Variants in RCL1 observed in about 807,000 individuals in gnomAD.
The protein encoded by RCL1 is RNA terminal phosphate cyclase like 1.
Under a neutral mutation model 42.4 loss-of-function variants are expected in RCL1, and 24 were observed. The ratio of observed to expected loss-of-function variants is 0.57; its 90% CI spans 0.41 to 0.80. RCL1 has a LOEUF of 0.80. Among genes scored for constraint, RCL1 ranks in the 30% least tolerant of loss-of-function variants. The pLI, the probability that RCL1 is intolerant of heterozygous loss-of-function variation, is 0.00. For synonymous variants in RCL1, 228 were observed against 177.3 expected (o/e 1.29, Z -2.27); for missense variants, 578 against 467.9 (o/e 1.24, Z -2.17).
rs1271797558 is a variant in RCL1 at position 4,818,872 on chromosome 9, A to G, written c.137-4676A>G. 1.8e-3 allele frequency among the ~76,000 whole-genome samples: 32 copies of G among 17,986 alleles called. No individual in the cohort carries two copies. In the South Asian group the frequency reaches 0.027, roughly 15 times the overall value. The allele number at this position is 17,986 out of a possible 152,430, so 11.8% of individuals were successfully genotyped here. Reference sequence around the variant, plus strand: ...GGGCAACGCAGCAAGACTCTGTCTCAAAAAAAAAAAAAAAAAGAAAAAGAA... The same window carrying G: ...GGGCAACGCAGCAAGACTCTGTCTCGAAAAAAAAAAAAAAAAGAAAAAGAA... On this transcript the variant is annotated intron_variant, in intron 1 of 8. Transcript: ENST00000381750.
chr9:4,819,761 C>G (rs1256121632), intron 1 of RCL1, among the ~76,000 whole-genome samples: 2 of 152,146 alleles, frequency 1.3e-5, no homozygotes, highest in African/African-American at 2.4e-5. Flanking sequence ...GAGCCAAGAT[C>G]GCGCCACTGC....
At chr9:4,839,775 C>T (rs975450037) in intron 5 of RCL1, 2 of 962,112 alleles carry the variant, frequency 2.1e-6, no homozygotes, top group Non-Finnish European at 2.5e-6. Flanking sequence ...GGAGGGATTA[C>T]AGAGGTAAAG....
chr9:4,831,640 A>G (rs1816946703), intron 3 of RCL1, among the ~76,000 whole-genome samples: 1 of 151,324 alleles, frequency 6.6e-6, no homozygotes, highest in South Asian at 2.1e-4. Context: ...TGCCCAGCTT[A>G]TTTTTTTTTA....
Position 4,833,205 on chromosome 9 carries a change from G to C in RCL1, c.436G>C (p.Asp146His), listed in dbSNP as rs1817008854. Residue 146 changes from aspartate to histidine, a missense_variant, in exon 4 of 9, where the codon GAT (aspartate) becomes CAT (histidine). Asp to His is a moderately conservative substitution (Grantham distance 81). Coordinates refer to ENST00000381750, the MANE Select transcript of RCL1 (RefSeq NM_005772.5). ...CCCTTTGTTGAAACAATTTGGGATT[G>C]ATGGTGAATCATTTGAACTGAAGGT... is the stretch of plus-strand genomic sequence containing the variant. ...ALPLLKQFGIDGESFELKIVR... is the reference protein window; with the variant it reads ...ALPLLKQFGIHGESFELKIVR... 6.2e-7 allele frequency: 1 copy of C among 1,612,700 alleles called. No homozygotes were observed. Among genetic ancestry groups the C allele is most frequent in the South Asian group, 1.1e-5 (1 of 91,056 alleles).
At chr9:4,854,144 C>T (rs993065737) in intron 8 of RCL1, among the ~76,000 whole-genome samples, 1 of 152,170 alleles carries the variant, frequency 6.6e-6, no homozygotes, top group Non-Finnish European at 1.5e-5. Flanking sequence ...CCTTCCTTCT[C>T]AGATAAAAAA....
At position 4,861,036 on chromosome 9, in the gene RCL1, T is replaced by A. The variant is rs759549494; in HGVS notation, c.*761T>A. On this transcript the variant is annotated 3_prime_UTR_variant, in exon 9 of 9. Coordinates refer to ENST00000381750, the MANE Select transcript of RCL1 (RefSeq NM_005772.5). ...TGTTTTGTTCCTTTGAAATGTATAA[T>A]GTAAAGACATTAAATCTCCTCATTT... 1 of 152,256 alleles carries A rather than the reference T, an allele frequency of 6.6e-6. No homozygotes were observed. The highest frequency in any genetic ancestry group is 1.5e-5 in the Non-Finnish European group (1 of 68,050). 9.4% of individuals were successfully genotyped at this position (152,256 alleles called of 1,614,324 possible).
intron 8 of RCL1, 72 bp from the exon 9 acceptor site, chr9:4,860,053 C>T (rs971143667): frequency 1.8e-6 from 2 of 1,086,918 alleles, no homozygotes; most frequent in African/African-American, 1.6e-5. Context: ...ACCTTGGATT[C>T]TAGGTGGTAG....
Position 4,793,078 on chromosome 9 carries a change from C to T in RCL1, c.-14C>T, listed in dbSNP as rs199518556. 7.5e-6 allele frequency: 12 copies of T among 1,606,562 alleles called. No homozygotes were observed. The highest frequency in any genetic ancestry group is 3.3e-5 in the South Asian group (3 of 89,716). The stretch of plus-strand genomic sequence containing the variant: ...CGCTCTCGGGCTGCTCACGTCTCTT[C>T]GGAGAGCGCGCACATGGCGACTCAG... On this transcript the variant is annotated 5_prime_UTR_variant, in exon 1 of 9. Coordinates refer to ENST00000381750, the MANE Select transcript of RCL1 (RefSeq NM_005772.5).
At chr9:4,833,610 C>T (rs751226324) in intron 4 of RCL1, among the ~76,000 whole-genome samples, 4 of 152,132 alleles carry the variant, frequency 2.6e-5, no homozygotes, top group Non-Finnish European at 5.9e-5. Flanking sequence ...GGGCTCCCAA[C>T]CTGGATGTCC....
chr9:4,828,824 C>T (rs557023325), intron 3 of RCL1, among the ~76,000 whole-genome samples: 1 of 152,104 alleles, frequency 6.6e-6, no homozygotes, highest in South Asian at 2.1e-4. Flanking sequence ...GAAATGGGAC[C>T]CAAAAAGTCT....
chr9:4,808,247 C>G (rs1816049302), intron 1 of RCL1, among the ~76,000 whole-genome samples: 1 of 152,138 alleles, frequency 6.6e-6, no homozygotes, highest in African/African-American at 2.4e-5. Context: ...CTAACATCCT[C>G]TTAGTGCTAC....
At chr9:4,797,392 C>T (rs891718203) in intron 1 of RCL1, among the ~76,000 whole-genome samples, 1 of 152,140 alleles carries the variant, frequency 6.6e-6, no homozygotes, top group Non-Finnish European at 1.5e-5. Flanking sequence ...AGAATTATGC[C>T]TTCTGTAAAG....
chr9:4,817,126 T>C (rs527247994), intron 1 of RCL1, among the ~76,000 whole-genome samples: 3 of 84,966 alleles, frequency 3.5e-5, no homozygotes, highest in Non-Finnish European at 7.2e-5. Context: ...CAATAATTAT[T>C]TTTTTCTTTG....
chr9:4,807,553 C>G (rs140897635), intron 1 of RCL1, among the ~76,000 whole-genome samples: 1,668 of 152,230 alleles, frequency 0.011, 28 homozygotes, highest in African/African-American at 0.039. Context: ...GAGTTTCACT[C>G]TTGTTGTCCA....
intron 8 of RCL1, among the ~76,000 whole-genome samples, chr9:4,858,234 A>G (rs1698729860): frequency 6.6e-6 from 1 of 152,202 alleles, no homozygotes; most frequent in South Asian, 2.1e-4. Context: ...AGAGTTGTTT[A>G]TATAGTTGAG....
chr9:4,793,956 T>C (rs1415814900), intron 1 of RCL1, among the ~76,000 whole-genome samples: 3 of 152,142 alleles, frequency 2.0e-5, no homozygotes, highest in Non-Finnish European at 4.4e-5. Flanking sequence ...TAAAAAGAAA[T>C]AGGCCCATTT....
chr9:4,846,987 G>A (rs1290663606), intron 7 of RCL1, among the ~76,000 whole-genome samples: 1 of 151,822 alleles, frequency 6.6e-6, no homozygotes, highest in Non-Finnish European at 1.5e-5. Flanking sequence ...CTGGGTTCAA[G>A]TGATCTTCCT....
intron 7 of RCL1, among the ~76,000 whole-genome samples, chr9:4,846,351 A>G (rs1011365698): frequency 1.3e-5 from 2 of 152,262 alleles, no homozygotes; most frequent in African/African-American, 4.8e-5. Context: ...TAGTAGAAGA[A>G]GGAGATGAAA....
At chr9:4,830,900 G>A (rs891804478) in intron 3 of RCL1, among the ~76,000 whole-genome samples, 1 of 152,054 alleles carries the variant, frequency 6.6e-6, no homozygotes, top group Non-Finnish European at 1.5e-5. Flanking sequence ...TTTGATCTTT[G>A]CCTTTTCTCT....
Sources: allele counts gnomAD v4.1 joint callset (sites outside exome capture counted in the v4.1 genomes callset), GRCh38; gene constraint gnomAD v4.1.1; transcripts MANE v1.5; gene names NCBI Gene and HGNC (gene_info 2026-07-23, HGNC 2026-07-21).